KLHL7: variants seen among roughly 807,000 people sequenced by gnomAD.
KLHL7 encodes the protein kelch like family member 7.
KLHL7 carries 44 observed loss-of-function variants against 67.4 expected under a neutral mutation model. The observed-to-expected ratio is 0.65, with a 90% CI of 0.51 to 0.84. KLHL7 has a LOEUF of 0.84. Among genes scored for constraint, KLHL7 ranks in the 40% least tolerant of loss-of-function variants. The probability of loss-of-function intolerance (pLI) is 0.00; values close to 1 mark genes in which losing one functional copy is unlikely to be tolerated. For missense variants in KLHL7, 362 were observed against 718.1 expected, an observed-to-expected ratio of 0.50 and a Z score of 5.67; for synonymous variants, 252 against 243.3, an observed-to-expected ratio of 1.04 and a Z score of -0.33.
At chr7:23,164,702 G>A (rs1451569605) in intron 7 of KLHL7, among the ~76,000 whole-genome samples, 1 of 152,136 alleles carries the variant, frequency 6.6e-6, no homozygotes, top group Non-Finnish European at 1.5e-5. Context: ...TACATTAGGG[G>A]CTCTTCCTTT....
chr7:23,128,387 G>A (rs1184601066), intron 4 of KLHL7, among the ~76,000 whole-genome samples: 2 of 102,750 alleles, frequency 1.9e-5, no homozygotes, highest in Admixed American at 2.5e-4. Flanking sequence ...GATGGAGAAA[G>A]CAATAATCAA....
intron 7 of KLHL7, among the ~76,000 whole-genome samples, chr7:23,161,611 G>A (rs528965962): frequency 2.0e-5 from 3 of 152,248 alleles, no homozygotes; most frequent in Non-Finnish European, 2.9e-5. Flanking sequence ...AGGAACTGCC[G>A]GCTGGTTGGT....
At chr7:23,112,485 AT>A (rs1162029436) in intron 1 of KLHL7, among the ~76,000 whole-genome samples, 2 of 152,192 alleles carry the variant, frequency 1.3e-5, no homozygotes, top group Non-Finnish European at 2.9e-5. Context: ...AGAATAAAGG[AT>A]AGAAAATGGG....
chr7:23,106,847 CTTTT>C (rs112396697), intron 1 of KLHL7: 1 of 817,676 alleles, frequency 1.2e-6, no homozygotes, highest in Non-Finnish European at 1.4e-6. Context: ...AACAAAGAGG[CTTTT>C]TTTTTTTTTA....
intron 4 of KLHL7, among the ~76,000 whole-genome samples, chr7:23,136,589 T>G (rs1234771041): frequency 6.6e-6 from 1 of 152,226 alleles, no homozygotes; most frequent in Admixed American, 6.5e-5. Flanking sequence ...TATTTACAAG[T>G]ACTGATCATC....
At chr7:23,125,695 TACTA>T (rs1371701128) in intron 4 of KLHL7, 6 of 1,421,878 alleles carry the variant, frequency 4.2e-6, no homozygotes, top group Non-Finnish European at 5.6e-6. Context: ...TAAATTAAGA[TACTA>T]ACTGAGGGAC....
intron 1 of KLHL7, among the ~76,000 whole-genome samples, chr7:23,110,747 TA>T (rs1370362959): frequency 1.4e-5 from 2 of 147,018 alleles, no homozygotes; most frequent in Non-Finnish European, 3.0e-5. Flanking sequence ...GTATATCTCC[TA>T]ATGCTATCCC....
chr7:23,143,016 C>G (rs1224467257), intron 5 of KLHL7, among the ~76,000 whole-genome samples: 1 of 152,158 alleles, frequency 6.6e-6, no homozygotes, highest in East Asian at 1.9e-4. Flanking sequence ...TGTGCTATCT[C>G]TGCAACTTTT....
rs141542338 is a variant in KLHL7 at position 23,108,377 on chromosome 7, T to A, written c.120+2231T>A. Among the ~76,000 whole-genome samples the A allele has an allele frequency of 7.8e-4, 119 of 152,348 alleles. 1 individual carries two copies. The South Asian group carries it at 0.017, about 21-fold the overall frequency. Reference sequence around the variant, plus strand: ...CTCGGCTTCTTCTAAAGCCTTTTCCTACATTGTTTTTGTCATTTCTAGCCT... The same window carrying A: ...CTCGGCTTCTTCTAAAGCCTTTTCCAACATTGTTTTTGTCATTTCTAGCCT... On this transcript the variant is annotated intron_variant, in intron 1 of 10. Transcript: ENST00000339077.
chr7:23,144,088 C>T lies in KLHL7; in HGVS notation c.793+63C>T, dbSNP rs1784277897. 3 of 1,379,320 alleles carry T rather than the reference C, an allele frequency of 2.2e-6. No homozygotes were observed. In the South Asian group the frequency reaches 3.5e-5, roughly 16 times the overall value. The allele number at this position is 1,379,320 out of a possible 1,614,324, so 85.4% of individuals were successfully genotyped here. On this transcript the variant is annotated intron_variant, in intron 6 of 10. Coordinates refer to ENST00000339077, the MANE Select transcript of KLHL7 (RefSeq NM_001031710.3). ...TAGCCAGTTTCTCATGGGCTTAAAACCCTTTAGAATGGATTAGACTCAGTA... is the reference window on the plus strand; with the variant it reads ...TAGCCAGTTTCTCATGGGCTTAAAATCCTTTAGAATGGATTAGACTCAGTA...
chr7:23,150,424 T>C (rs1225226627), intron 6 of KLHL7, among the ~76,000 whole-genome samples: 1 of 152,196 alleles, frequency 6.6e-6, no homozygotes, highest in Non-Finnish European at 1.5e-5. Context: ...CATTAAAATA[T>C]ACATTTTTAA....
At chr7:23,140,742 ATTC>A in intron 4 of KLHL7, 24 bp from the exon 5 acceptor site, 1 of 1,603,958 alleles carries the variant, frequency 6.2e-7, no homozygotes, top group Non-Finnish European at 8.5e-7. Context: ...ATGATTTTCT[ATTC>A]TTTTATTTTC....
chr7:23,127,969 G>C (rs1176104123), intron 4 of KLHL7, among the ~76,000 whole-genome samples: 3 of 150,898 alleles, frequency 2.0e-5, no homozygotes, highest in Non-Finnish European at 4.4e-5. Flanking sequence ...GTGAGAAATA[G>C]AAGGGAACAA....
chr7:23,143,133 C>T (rs1337365313), intron 5 of KLHL7, among the ~76,000 whole-genome samples: 1 of 151,982 alleles, frequency 6.6e-6, no homozygotes, highest in African/African-American at 2.4e-5. Flanking sequence ...TAATATCACT[C>T]GAAAATTAAT....
chr7:23,113,015 A>G (rs1782935778), intron 1 of KLHL7, among the ~76,000 whole-genome samples: 1 of 152,154 alleles, frequency 6.6e-6, no homozygotes, highest in Non-Finnish European at 1.5e-5. Flanking sequence ...AATCTCAGAC[A>G]GGGGTGGCGG....
At chr7:23,155,329 C>CT (rs374888476) in intron 7 of KLHL7, among the ~76,000 whole-genome samples, 3 of 151,732 alleles carry the variant, frequency 2.0e-5, no homozygotes, top group Non-Finnish European at 2.9e-5. Flanking sequence ...AAATTATAAA[C>CT]TTTTTTTTTC....
chr7:23,133,326 T>C (rs968902280), intron 4 of KLHL7, among the ~76,000 whole-genome samples: 1 of 152,162 alleles, frequency 6.6e-6, no homozygotes, highest in Admixed American at 6.5e-5. Flanking sequence ...TTTATCAGTG[T>C]TTTATAGTTT....
At chr7:23,146,109 A>G (rs1213467465) in intron 6 of KLHL7, among the ~76,000 whole-genome samples, 1 of 152,192 alleles carries the variant, frequency 6.6e-6, no homozygotes, top group Non-Finnish European at 1.5e-5. Flanking sequence ...AGTATTTCCA[A>G]AGACGAATCC....
intron 4 of KLHL7, chr7:23,129,862 T>A (rs1462790587): frequency 6.5e-6 from 1 of 154,422 alleles, no homozygotes; most frequent in African/African-American, 2.4e-5. Flanking sequence ...TTATAACTAG[T>A]AAGATGAGCA....
Sources: allele counts gnomAD v4.1 joint callset (sites outside exome capture counted in the v4.1 genomes callset), GRCh38; gene constraint gnomAD v4.1.1; transcripts MANE v1.5; gene names NCBI Gene and HGNC (gene_info 2026-07-23, HGNC 2026-07-21).